Variants in GP6 observed in about 807,000 individuals in gnomAD.
GP6 encodes the protein glycoprotein VI platelet, also known as platelet glycoprotein VI.
Under a neutral mutation model 37.3 loss-of-function variants are expected in GP6, and 45 were observed. The ratio of observed to expected loss-of-function variants is 1.21; its 90% CI spans 0.95 to 1.55. GP6 has a LOEUF of 1.55. Among genes scored for constraint, GP6 ranks in the 40% most tolerant of loss-of-function variants. The pLI, the probability that GP6 is intolerant of heterozygous loss-of-function variation, is 0.00. For synonymous variants in GP6, 340 were observed against 316.4 expected (o/e 1.07, Z -0.79); for missense variants, 813 against 760.2 (o/e 1.07, Z -0.82).
chr19:55,014,078 A>G lies in GP6; in HGVS notation c.*4T>C, dbSNP rs1371807597. Reference sequence around the variant, plus strand: ...TTGCAGTACATGTATACAACGTGCTATGATCAAATCAGGGTAATTGACATA... The same window carrying G: ...TTGCAGTACATGTATACAACGTGCTGTGATCAAATCAGGGTAATTGACATA... On this transcript the variant is annotated 3_prime_UTR_variant, in exon 8 of 8. Coordinates refer to ENST00000310373, the MANE Select transcript of GP6 (RefSeq NM_001083899.2). 5 of 638,256 alleles carry G rather than the reference A, an allele frequency of 7.8e-6. No individual in the cohort carries two copies. Among genetic ancestry groups the G allele is most frequent in the Non-Finnish European group, 1.5e-5 (5 of 344,590 alleles). 39.5% of individuals were successfully genotyped at this position (638,256 alleles called of 1,614,324 possible).
At chr19:55,018,022 C>T (rs1158509596) in intron 6 of GP6, among the ~76,000 whole-genome samples, 2 of 152,126 alleles carry the variant, frequency 1.3e-5, no homozygotes, top group Middle Eastern at 3.4e-3. Context: ...GAGCCGAGAT[C>T]GCACCACTGC....
At chr19:55,031,242 T>C (rs1419005481) in intron 3 of GP6, among the ~76,000 whole-genome samples, 1 of 152,230 alleles carries the variant, frequency 6.6e-6, no homozygotes, top group Non-Finnish European at 1.5e-5. Context: ...GGAACTTTTC[T>C]GTCAGTCTAA....
At chr19:55,017,067 CATT>C (rs1037270870) in intron 6 of GP6, among the ~76,000 whole-genome samples, 1 of 151,734 alleles carries the variant, frequency 6.6e-6, no homozygotes, top group African/African-American at 2.4e-5. Flanking sequence ...AACCATAAGA[CATT>C]GTCCATCTGC....
In GP6 at chr19:55,026,883, CAA is replaced by C. The variant is rs767194721; in HGVS notation, c.610+693_610+694del. 7.1e-3 allele frequency among the ~76,000 whole-genome samples: 936 copies of C among 131,044 alleles called. 26 individuals carry two copies. The highest frequency in any genetic ancestry group is 0.025 in the African/African-American group (892 of 36,032). 86.0% of individuals were successfully genotyped at this position (131,044 alleles called of 152,430 possible). On this transcript the variant is annotated intron_variant, in intron 4 of 7. Coordinates refer to ENST00000310373, the MANE Select transcript of GP6 (RefSeq NM_001083899.2). Reference sequence around the variant, plus strand: ...CCTGGGTGACAGAGTGAGACTTCGTCAAAAAAAAAAAAAAGAAACCTCCATTC... The same window carrying C: ...CCTGGGTGACAGAGTGAGACTTCGTCAAAAAAAAAAAAGAAACCTCCATTC...
At chr19:55,018,800 C>G (rs77861363) in intron 5 of GP6, 89 bp from the exon 6 acceptor site, 233 of 875,064 alleles carry the variant, frequency 2.7e-4, no homozygotes, top group African/African-American at 2.7e-3. Context: ...TCTAGGCTCC[C>G]TGAAACCCCT....
chr19:55,017,995 G>C (rs945929869), intron 6 of GP6, among the ~76,000 whole-genome samples: 1 of 152,026 alleles, frequency 6.6e-6, no homozygotes, highest in Non-Finnish European at 1.5e-5. Flanking sequence ...TTGAACCCGG[G>C]CAGCAGAGGT....
intron 3 of GP6, among the ~76,000 whole-genome samples, chr19:55,028,065 G>A (rs555217579): frequency 1.4e-4 from 22 of 152,328 alleles, no homozygotes; most frequent in African/African-American, 5.3e-4. Context: ...TAGTGCTTGG[G>A]TGCAAATCCT....
At position 55,038,231 on chromosome 19, in the gene GP6, A is replaced by C; in HGVS notation, c.6T>G (p.Ser2=). ...GACAGAAGAGGGCGGTCGGGGATGG[A>C]GACATGGTTCCTCAGCCCTGTCCTG... Residue 2 remains serine, a synonymous_variant, in exon 1 of 8, where the codon TCT becomes TCG. Coordinates refer to ENST00000310373, the MANE Select transcript of GP6 (RefSeq NM_001083899.2). 1 of 1,590,140 alleles carries C rather than the reference A, an allele frequency of 6.3e-7. No homozygotes were observed. The highest frequency in any genetic ancestry group is 2.3e-5 in the East Asian group (1 of 44,262).
Position 55,014,210 on chromosome 19 carries a change from T to G in GP6, c.1735A>C (p.Asn579His). The G allele has an allele frequency of 1.3e-6, 1 of 762,610 alleles. No homozygotes were observed. Among genetic ancestry groups the G allele is most frequent in the Non-Finnish European group, 2.3e-6 (1 of 430,010 alleles). The allele number at this position is 762,610 out of a possible 1,614,324, so 47.2% of individuals were successfully genotyped here. A position where few individuals can be genotyped will look rare whatever the true frequency, so the allele number is the denominator to read the frequency against. The change falls in exon 8 of 8, where the codon AAT (asparagine) becomes CAT (histidine). Residue 579 changes from asparagine to histidine, a missense_variant. Coordinates refer to ENST00000310373, the MANE Select transcript of GP6 (RefSeq NM_001083899.2). ...CCTCTGCCTCCCAGGCTCAAGCCATTCTCCCACCTCAGCCCCCTGAGTTGC... is the reference window on the plus strand; with the variant it reads ...CCTCTGCCTCCCAGGCTCAAGCCATGCTCCCACCTCAGCCCCCTGAGTTGC...
chr19:55,021,201 G>A (rs1023616378), intron 5 of GP6, among the ~76,000 whole-genome samples: 326 of 127,234 alleles, frequency 2.6e-3, no homozygotes, highest in Middle Eastern at 4.0e-3. Flanking sequence ...TCTACTAAAA[G>A]AAAAAAAAAA....
intron 3 of GP6, among the ~76,000 whole-genome samples, chr19:55,029,851 T>A (rs1369834472): frequency 2.0e-5 from 1 of 51,236 alleles, no homozygotes; most frequent in East Asian, 4.5e-3. Flanking sequence ...GCCAGGCTGG[T>A]CCATTCTAGT....
chr19:55,020,609 C>T (rs2074043009), intron 5 of GP6, among the ~76,000 whole-genome samples: 2 of 152,136 alleles, frequency 1.3e-5, no homozygotes, highest in South Asian at 4.1e-4. Context: ...TTTGCTTTAT[C>T]CTTTCTATCA....
intron 1 of GP6, among the ~76,000 whole-genome samples, chr19:55,034,102 G>C (rs12461020): frequency 9.3e-5 from 14 of 149,950 alleles, no homozygotes; most frequent in Non-Finnish European, 1.9e-4. Context: ...ACATATACAC[G>C]TGTGTACATA....
chr19:55,015,052 G>A lies in GP6; in HGVS notation c.893C>T (p.Ala298Val), dbSNP rs1308214413. The change falls in exon 8 of 8, where the codon GCG becomes GTG. Residue 298 changes from alanine (A) to valine (V), a missense_variant. By Grantham distance (64) the Ala-to-Val change is moderately conservative (BLOSUM62 0). Transcript: ENST00000310373. ...ACAGCCCTGCCCCTGTGCCGCAGGC[G>A]CTTCCTCCGGCTGTGCCAGTCCTCT... 2 of 1,606,870 alleles carry A rather than the reference G, an allele frequency of 1.2e-6. No homozygotes were observed. Among genetic ancestry groups the A allele is most frequent in the Non-Finnish European group, 1.7e-6 (2 of 1,177,082 alleles).
rs199588110 is a variant in GP6, at chr19:55,032,292, G to A, written c.172C>T (p.Arg58Cys). The change falls in exon 3 of 8, where the codon CGC becomes TGC. Residue 58 changes from arginine to cysteine, a missense_variant. Arg to Cys is a radical substitution (Grantham distance 180, BLOSUM62 -3). Transcript: ENST00000310373. Reference sequence around the variant, plus strand: ...CTGCTGGAACTCAGCTTCTCCAGGCGGTACAGGTCCACGCCCGGAGGTCCC... The same window carrying A: ...CTGCTGGAACTCAGCTTCTCCAGGCAGTACAGGTCCACGCCCGGAGGTCCC... The A allele has an allele frequency of 8.1e-4, 1,315 of 1,614,144 alleles. 7 individuals carry two copies. Among genetic ancestry groups the A allele is most frequent in the Non-Finnish European group, 7.9e-4 (929 of 1,180,020 alleles).
chr19:55,015,981 A>T (rs1412997842), intron 6 of GP6, among the ~76,000 whole-genome samples: 1 of 152,126 alleles, frequency 6.6e-6, no homozygotes, highest in South Asian at 2.1e-4. Flanking sequence ...CTACAAAAAA[A>T]TACAAAAATT....
In GP6 at chr19:55,015,095, G is replaced by T. The variant is rs751058450; in HGVS notation, c.850C>A (p.Pro284Thr). The T allele has an allele frequency of 1.6e-5, 25 of 1,595,158 alleles. No individual in the cohort carries two copies. The highest frequency in any genetic ancestry group is 2.0e-5 in the Non-Finnish European group (24 of 1,171,218). ...AGTCCTCTGCCAGAAACCCCGCCAG[G>T]ATTATTAGGATCACAGCCCCGAGGC... is the stretch of plus-strand genomic sequence containing the variant. Residue 284 changes from proline (P) to threonine (T), a missense_variant, in exon 8 of 8, where the codon CCT (proline) becomes ACT (threonine). By Grantham distance (38) the Pro-to-Thr change is conservative. Coordinates refer to ENST00000310373, the MANE Select transcript of GP6 (RefSeq NM_001083899.2).
chr19:55,036,867 C>G (rs1464748453), intron 1 of GP6, among the ~76,000 whole-genome samples: 1 of 152,084 alleles, frequency 6.6e-6, no homozygotes. Flanking sequence ...AATAATTAGC[C>G]AGACCTGGTG....
intron 3 of GP6, among the ~76,000 whole-genome samples, chr19:55,028,343 C>A (rs1446835297): frequency 6.6e-6 from 1 of 152,202 alleles, no homozygotes; most frequent in East Asian, 1.9e-4. Context: ...TGATGTATAT[C>A]AGTTCAGTGA....
Sources: gnomAD v4.1 joint callset for allele counts (sites outside exome capture counted in the v4.1 genomes callset) on GRCh38, gnomAD v4.1.1 for gene constraint, MANE v1.5 for transcripts, NCBI Gene and HGNC (gene_info 2026-07-23, HGNC 2026-07-21) for gene names.